SLC14A2: variants seen among roughly 807,000 people sequenced by gnomAD.
SLC14A2 encodes solute carrier family 14 member 2.
SLC14A2 carries 91 observed loss-of-function variants against 104.6 expected under a neutral mutation model. That is an observed-to-expected ratio of 0.87 (90% CI 0.73 to 1.04). The LOEUF (loss-of-function observed/expected upper bound fraction) is 1.04, where lower values mean the gene tolerates loss of function less well. Among genes scored for constraint, SLC14A2 ranks in the 50% least tolerant of loss-of-function variants. The pLI is 0.00. For missense variants in SLC14A2, 1,189 were observed against 1,156.0 expected (o/e 1.03, Z -0.41); for synonymous variants, 476 against 466.4 (o/e 1.02, Z -0.27).
intron 2 of SLC14A2, among the ~76,000 whole-genome samples, chr18:45,575,543 C>G (rs2044406835): frequency 6.6e-6 from 1 of 151,788 alleles, no homozygotes; most frequent in Admixed American, 6.6e-5. Flanking sequence ...CGTCTCATCA[C>G]TTCCTTTTCA....
At chr18:45,471,638 T>C (rs1306432286) in intron 1 of SLC14A2, among the ~76,000 whole-genome samples, 1 of 152,136 alleles carries the variant, frequency 6.6e-6, no homozygotes, top group East Asian at 1.9e-4. Flanking sequence ...GCTCACTTGA[T>C]CAATCCTGTT....
At chr18:45,278,712 T>G (rs1002560663) in intron 1 of SLC14A2, among the ~76,000 whole-genome samples, 1 of 152,126 alleles carries the variant, frequency 6.6e-6, no homozygotes, top group Non-Finnish European at 1.5e-5. Context: ...GGATTTCACA[T>G]CCACAAATAC....
rs1215285195 is a variant in SLC14A2 at position 45,349,823 on chromosome 18, G to A, written c.-124-133410G>A. Among the ~76,000 whole-genome samples, 3 of 152,210 alleles carry A rather than the reference G, an allele frequency of 2.0e-5. No individual in the cohort carries two copies. The East Asian group carries it at 5.8e-4, about 29-fold the overall frequency. On this transcript the variant is annotated intron_variant, in intron 1 of 20. Transcript: ENST00000586448. ...CTAACTAGGCATAACTTAGCTAAATGAAAATGCCAGGGAACCTGAAAGCCA... is the reference window on the plus strand; with the variant it reads ...CTAACTAGGCATAACTTAGCTAAATAAAAATGCCAGGGAACCTGAAAGCCA...
the SLC14A2 span, among the ~76,000 whole-genome samples, chr18:45,188,978 G>T: frequency 6.6e-6 from 1 of 152,018 alleles, no homozygotes; most frequent in Non-Finnish European, 1.5e-5. Context: ...ATGATTCTAC[G>T]AATATTTTTT....
At chr18:45,634,979 T>G (rs2045396381) in intron 5 of SLC14A2, 1 of 396,044 alleles carries the variant, frequency 2.5e-6, no homozygotes, top group Admixed American at 3.0e-5. Context: ...GGGGTATATT[T>G]TAAAGAAGAT....
the SLC14A2 span, among the ~76,000 whole-genome samples, chr18:45,192,814 G>A: frequency 1.3e-5 from 2 of 151,838 alleles, no homozygotes; most frequent in Admixed American, 6.6e-5. Flanking sequence ...GTGCCACCAG[G>A]CCCAGCTAAT....
At chr18:45,286,708 TC>T (rs887203023) in intron 1 of SLC14A2, among the ~76,000 whole-genome samples, 8 of 143,752 alleles carry the variant, frequency 5.6e-5, no homozygotes, top group African/African-American at 2.2e-4. Context: ...TCTCTCTCAC[TC>T]CCCCCAACTT....
At chr18:45,634,903 C>A (rs989495756) in intron 5 of SLC14A2, 1 of 455,858 alleles carries the variant, frequency 2.2e-6, no homozygotes, top group Non-Finnish European at 4.4e-6. Flanking sequence ...GCTACAAAAC[C>A]CCACAGAGAT....
chr18:45,378,293 T>G (rs2085796966), intron 1 of SLC14A2, among the ~76,000 whole-genome samples: 1 of 152,206 alleles, frequency 6.6e-6, no homozygotes, highest in African/African-American at 2.4e-5. Context: ...CTGGTAAAGA[T>G]GTCTGAAGAC....
At chr18:45,532,176 C>T (rs576253847) in intron 2 of SLC14A2, among the ~76,000 whole-genome samples, 1 of 152,224 alleles carries the variant, frequency 6.6e-6, no homozygotes, top group East Asian at 1.9e-4. Flanking sequence ...ATTGACTTGG[C>T]AGTGCGGGCT....
chr18:45,306,852 G>A (rs185097300), intron 1 of SLC14A2, among the ~76,000 whole-genome samples: 3 of 152,258 alleles, frequency 2.0e-5, no homozygotes, highest in Admixed American at 2.0e-4. Flanking sequence ...TAACTCACTT[G>A]TTCGGGCACT....
chr18:45,383,971 A>G (rs532284380), intron 1 of SLC14A2, among the ~76,000 whole-genome samples: 9 of 152,262 alleles, frequency 5.9e-5, no homozygotes, highest in Non-Finnish European at 1.5e-5. Flanking sequence ...ATTTGAAGAG[A>G]AAGACCAATA....
At chr18:45,228,560 T>C (rs534625208) in intron 1 of SLC14A2, among the ~76,000 whole-genome samples, 1 of 152,266 alleles carries the variant, frequency 6.6e-6, no homozygotes, top group African/African-American at 2.4e-5. Context: ...GTCCTCAGTA[T>C]CCCTCTTTAT....
chr18:45,673,039 T>A lies in SLC14A2; in HGVS notation c.2369T>A (p.Met790Lys). 6.2e-7 allele frequency: 1 copy of A among 1,613,966 alleles called. No individual in the cohort carries two copies. Among genetic ancestry groups the A allele is most frequent in the South Asian group, 1.1e-5 (1 of 91,080 alleles). Residue 790 changes from methionine (M) to lysine (K), a missense_variant, in exon 17 of 20, where the codon ATG becomes AAG. Physicochemically the swap from Met to Lys is moderately conservative, Grantham distance 95. Transcript: ENST00000255226. ...LHAAIGSTMG[M>K]LAALTIATPF... is the part of the protein sequence containing the mutation. ...GCAGCAATTGGATCCACCATGGGGA[T>A]GCTAGCAGGTCTGTGTCCTCACTTC...
the SLC14A2 span, among the ~76,000 whole-genome samples, chr18:45,171,115 A>G: frequency 6.6e-6 from 1 of 152,320 alleles, no homozygotes; most frequent in African/African-American, 2.4e-5. Context: ...AAATCAAAAT[A>G]CAGGATGCCA....
At chr18:45,561,729 T>G (rs1230833189) in intron 2 of SLC14A2, among the ~76,000 whole-genome samples, 2 of 152,234 alleles carry the variant, frequency 1.3e-5, no homozygotes, top group African/African-American at 4.8e-5. Context: ...TTGTACATAT[T>G]TCTTTTTCAT....
In SLC14A2 at chr18:45,583,996, C is replaced by A. The variant is rs187005270; in HGVS notation, c.-34-40635C>A. Among the ~76,000 whole-genome samples, 345 of 152,096 alleles carry A rather than the reference C, an allele frequency of 2.3e-3. 1 individual carries two copies. The highest frequency in any genetic ancestry group is 3.9e-3 in the Non-Finnish European group (262 of 67,990). Reference sequence around the variant, plus strand: ...AATGTGTTTATTTAGCCCAATAGACCCAAAATATTTTTAAAATTATTACTG... The same window carrying A: ...AATGTGTTTATTTAGCCCAATAGACACAAAATATTTTTAAAATTATTACTG... On this transcript the variant is annotated intron_variant, in intron 2 of 20. Transcript: ENST00000586448.
At chr18:45,250,511 A>C (rs1035088209) in intron 1 of SLC14A2, among the ~76,000 whole-genome samples, 13 of 148,296 alleles carry the variant, frequency 8.8e-5, no homozygotes, top group African/African-American at 2.5e-4. Context: ...TTTCTCTCTC[A>C]CTTTGAGTTT....
intron 1 of SLC14A2, among the ~76,000 whole-genome samples, chr18:45,617,023 G>A (rs370805308): frequency 3.9e-5 from 6 of 152,190 alleles, no homozygotes; most frequent in African/African-American, 7.2e-5. Context: ...GCTTGAACCC[G>A]GGAGGTGGAG....
Sources: allele counts gnomAD v4.1 joint callset (sites outside exome capture counted in the v4.1 genomes callset), GRCh38; gene constraint gnomAD v4.1.1; transcripts MANE v1.5; gene names NCBI Gene and HGNC (gene_info 2026-07-23, HGNC 2026-07-21).